The following ELAPOR2 variants were observed in gnomAD, a reference collection of about 807,000 sequenced individuals.
ELAPOR2 encodes the protein endosome-lysosome associated apoptosis and autophagy regulator family member 2.
A neutral mutation model predicts 120.7 loss-of-function variants in ELAPOR2; 89 were observed. The observed-to-expected ratio is 0.74, with a 90% CI of 0.62 to 0.88. ELAPOR2 has a LOEUF of 0.88. Ranked by LOEUF, ELAPOR2 falls within the 40% of genes least tolerant of loss-of-function variation. The pLI is 0.00. For synonymous variants in ELAPOR2, 444 were observed against 444.9 expected, an observed-to-expected ratio of 1.00 and a Z score of 0.03; for missense variants, 1,134 against 1,251.6, an observed-to-expected ratio of 0.91 and a Z score of 1.42.
chr7:86,925,421 A>C, intron 10 of ELAPOR2, 107 bp downstream of exon 10: 2 of 1,141,830 alleles, frequency 1.8e-6, no homozygotes, highest in South Asian at 2.9e-5. Flanking sequence ...AAATGATAAG[A>C]TTGAAGTTCC....
intron 10 of ELAPOR2, among the ~76,000 whole-genome samples, chr7:86,922,568 G>GT (rs1440619334): frequency 6.6e-6 from 1 of 151,516 alleles, no homozygotes. Flanking sequence ...AGATAATTTT[G>GT]TATCATGCTT....
intron 2 of ELAPOR2, among the ~76,000 whole-genome samples, chr7:86,956,623 T>C (rs972923091): frequency 2.6e-5 from 4 of 152,204 alleles, no homozygotes; most frequent in Non-Finnish European, 5.9e-5. Flanking sequence ...AGAGGCTAGA[T>C]TTAAAGTTCA....
rs114344392 is a variant in ELAPOR2, at chr7:86,988,859, T to A, written c.190-23835A>T. Among the ~76,000 whole-genome samples the A allele has an allele frequency of 4.0e-3, 613 of 152,294 alleles. 5 individuals are homozygous for A. Among genetic ancestry groups the A allele is most frequent in the African/African-American group, 0.014 (588 of 41,552 alleles). On this transcript the variant is annotated intron_variant, in intron 1 of 21. Coordinates refer to ENST00000450689, the MANE Select transcript of ELAPOR2 (RefSeq NM_001142749.3). ...CACACAACTGATTCACAGTACATGTTTTGTTGCATGAGACAATGAACAAAA... is the reference window on the plus strand; with the variant it reads ...CACACAACTGATTCACAGTACATGTATTGTTGCATGAGACAATGAACAAAA...
chr7:86,993,215 A>C, intron 1 of ELAPOR2, among the ~76,000 whole-genome samples: 1 of 142,874 alleles, frequency 7.0e-6, no homozygotes, highest in Non-Finnish European at 1.5e-5. Flanking sequence ...CAGCCTGATG[A>C]CAGAGCGAGA....
chr7:86,998,063 T>C (rs1410727095), intron 1 of ELAPOR2, among the ~76,000 whole-genome samples: 1 of 152,016 alleles, frequency 6.6e-6, no homozygotes, highest in Non-Finnish European at 1.5e-5. Flanking sequence ...GTCTAGAAAA[T>C]GCATGTACAT....
chr7:87,036,742 T>C (rs187754174), intron 1 of ELAPOR2, among the ~76,000 whole-genome samples: 1 of 152,046 alleles, frequency 6.6e-6, no homozygotes, highest in Non-Finnish European at 1.5e-5. Context: ...TGGGTACTCA[T>C]GGAATTAAAG....
rs546903047 is a variant in ELAPOR2 at position 87,041,517 on chromosome 7, C to A, written c.189+17808G>T. On this transcript the variant is annotated intron_variant, in intron 1 of 21. Transcript: ENST00000450689. ...AATTTCATATCCAGCCAAACTACTT[C>A]ATAAGCGAAGGAGAAATAAAATACT... Among the ~76,000 whole-genome samples the A allele has an allele frequency of 5.3e-5, 8 of 152,200 alleles. No individual in the cohort carries two copies. The South Asian group carries it at 1.7e-3, about 32-fold the overall frequency.
chr7:86,987,139 T>G (rs983107557), intron 1 of ELAPOR2, among the ~76,000 whole-genome samples: 1 of 152,110 alleles, frequency 6.6e-6, no homozygotes, highest in Non-Finnish European at 1.5e-5. Context: ...AACTGGGTAG[T>G]CATATGTAGA....
intron 10 of ELAPOR2, among the ~76,000 whole-genome samples, chr7:86,922,351 T>C (rs1166993212): frequency 1.3e-5 from 2 of 151,832 alleles, no homozygotes; most frequent in East Asian, 1.9e-4. Flanking sequence ...TCTGTGTATA[T>C]TTTATATTTT....
Position 86,936,266 on chromosome 7 carries a change from G to T in ELAPOR2, c.1089+1860C>A, listed in dbSNP as rs925301750. Among the ~76,000 whole-genome samples, 3 of 151,988 alleles carry T rather than the reference G, an allele frequency of 2.0e-5. No individual in the cohort carries two copies. The South Asian group carries it at 6.2e-4, about 32-fold the overall frequency. On this transcript the variant is annotated intron_variant, in intron 8 of 21. Coordinates refer to ENST00000450689, the MANE Select transcript of ELAPOR2 (RefSeq NM_001142749.3). Reference sequence around the variant, plus strand: ...ACACTGCCCAGGCTGGAGTACAGTGGCTATTCACAGGTGCCATCATGGCAC... The same window carrying T: ...ACACTGCCCAGGCTGGAGTACAGTGTCTATTCACAGGTGCCATCATGGCAC...
At chr7:87,022,910 A>C (rs1794106087) in intron 1 of ELAPOR2, among the ~76,000 whole-genome samples, 1 of 151,908 alleles carries the variant, frequency 6.6e-6, no homozygotes, top group South Asian at 2.1e-4. Context: ...TCCTTTGCCC[A>C]CTTTTTGATG....
chr7:86,905,240 TA>T (rs1421330472), intron 18 of ELAPOR2, among the ~76,000 whole-genome samples: 28 of 147,328 alleles, frequency 1.9e-4, no homozygotes, highest in African/African-American at 6.7e-4. Context: ...GAAGTCCTCT[TA>T]AAAAATAGCC....
intron 18 of ELAPOR2, among the ~76,000 whole-genome samples, chr7:86,906,289 T>C (rs536749594): frequency 7.2e-5 from 11 of 152,130 alleles, no homozygotes; most frequent in Non-Finnish European, 1.3e-4. Context: ...GGTTCTAGCT[T>C]GGAGGCTGGC....
Position 86,967,514 on chromosome 7 carries a change from G to A in ELAPOR2, c.190-2490C>T, listed in dbSNP as rs977352369. Among the ~76,000 whole-genome samples the A allele has an allele frequency of 3.3e-5, 5 of 152,186 alleles. No individual in the cohort carries two copies. The East Asian group carries it at 9.6e-4, about 29-fold the overall frequency. On this transcript the variant is annotated intron_variant, in intron 1 of 21. Coordinates refer to ENST00000450689, the MANE Select transcript of ELAPOR2 (RefSeq NM_001142749.3). The stretch of plus-strand genomic sequence containing the variant: ...TTCCATGTTCCACTGAAAAGATTCT[G>A]GCCCCTATATATAAAATTTAGGTGA...
intron 1 of ELAPOR2, among the ~76,000 whole-genome samples, chr7:86,998,386 A>G (rs1350329780): frequency 6.6e-6 from 1 of 152,196 alleles, no homozygotes; most frequent in African/African-American, 2.4e-5. Flanking sequence ...CTGTATTTTT[A>G]TGAAGAAAGA....
chr7:86,958,483 A>G (rs1306570248), intron 2 of ELAPOR2, among the ~76,000 whole-genome samples: 1 of 152,164 alleles, frequency 6.6e-6, no homozygotes, highest in Non-Finnish European at 1.5e-5. Context: ...TAACCCCCTT[A>G]ACCACCTGTG....
rs1047489862 is a variant in ELAPOR2 at position 86,966,523 on chromosome 7, T to C, written c.190-1499A>G. 7.2e-5 allele frequency among the ~76,000 whole-genome samples: 11 copies of C among 152,304 alleles called. 1 individual carries two copies. The highest frequency in any genetic ancestry group is 2.6e-4 in the African/African-American group (11 of 41,576). ...CTGTTCAAGGCCATCTAGACTTTACTAGCATGCACCTCAAAATTCTCCCAG... is the reference window on the plus strand; with the variant it reads ...CTGTTCAAGGCCATCTAGACTTTACCAGCATGCACCTCAAAATTCTCCCAG... On this transcript the variant is annotated intron_variant, in intron 1 of 21. Transcript: ENST00000450689.
rs1234496908 is a variant in ELAPOR2, at chr7:86,922,285, T to C, written c.1400-2975A>G. ...CCATAGGCACAGTTTAATAATGGTATACATAATTTTGTATTTTCTTTTTTC... is the reference window on the plus strand; with the variant it reads ...CCATAGGCACAGTTTAATAATGGTACACATAATTTTGTATTTTCTTTTTTC... On this transcript the variant is annotated intron_variant, in intron 10 of 21. Coordinates refer to ENST00000450689, the MANE Select transcript of ELAPOR2 (RefSeq NM_001142749.3). Among the ~76,000 whole-genome samples, 10 of 152,002 alleles carry C rather than the reference T, an allele frequency of 6.6e-5. No homozygotes were observed. In the East Asian group the frequency reaches 1.9e-3, roughly 29 times the overall value.
At chr7:86,994,256 T>C (rs1388814070) in intron 1 of ELAPOR2, among the ~76,000 whole-genome samples, 1 of 152,126 alleles carries the variant, frequency 6.6e-6, no homozygotes, top group East Asian at 1.9e-4. Context: ...AGAAACAACA[T>C]TAGAGTTTCC....
Sources: gnomAD v4.1 joint callset for allele counts (sites outside exome capture counted in the v4.1 genomes callset) on GRCh38, gnomAD v4.1.1 for gene constraint, MANE v1.5 for transcripts, NCBI Gene and HGNC (gene_info 2026-07-23, HGNC 2026-07-21) for gene names.